The following FGF12 variants were observed in gnomAD, a reference collection of about 807,000 sequenced individuals.
FGF12 encodes the protein fibroblast growth factor 12.
Under a neutral mutation model 23.6 loss-of-function variants are expected in FGF12, and 14 were observed. That is an observed-to-expected ratio of 0.59 (90% confidence interval 0.39 to 0.93). The LOEUF (loss-of-function observed/expected upper bound fraction) is 0.93, where lower values mean the gene tolerates loss of function less well. FGF12 is among the 40% of genes least tolerant of loss of function. The pLI is 0.00. For synonymous variants in FGF12, 62 were observed against 77.3 expected, an observed-to-expected ratio of 0.80 and a Z score of 1.04; for missense variants, 175 against 217.8, an observed-to-expected ratio of 0.80 and a Z score of 1.24.
intron 2 of FGF12, among the ~76,000 whole-genome samples, chr3:192,664,689 T>G (rs990582362): frequency 2.6e-5 from 4 of 151,374 alleles, no homozygotes; most frequent in Non-Finnish European, 4.4e-5. Flanking sequence ...TGCTTGAACC[T>G]GGGAGGCGGA....
chr3:192,252,074 A>C (rs1283968050), intron 4 of FGF12, among the ~76,000 whole-genome samples: 1 of 152,136 alleles, frequency 6.6e-6, no homozygotes, highest in African/African-American at 2.4e-5. Context: ...TTTGTGTGTA[A>C]GTCTTTTTAA....
At position 192,434,150 on chromosome 3, in the gene FGF12, T is replaced by C. The variant is rs201865299; in HGVS notation, c.14-73612A>G. Among the ~76,000 whole-genome samples, 3 of 152,216 alleles carry C rather than the reference T, an allele frequency of 2.0e-5. No individual in the cohort carries two copies. The East Asian group carries it at 5.8e-4, about 29-fold the overall frequency. ...ATTGTGGAAAAAAAATTCTCACTTT[T>C]GCAAATAAAAAAACCCAGAAAACAA... On this transcript the variant is annotated intron_variant, in intron 2 of 5. Coordinates refer to ENST00000445105, the MANE Select transcript of FGF12 (RefSeq NM_004113.6).
chr3:192,656,280 G>GACACAC (rs61645270), intron 2 of FGF12, among the ~76,000 whole-genome samples: 193 of 110,502 alleles, frequency 1.7e-3, no homozygotes, highest in Non-Finnish European at 3.3e-3. Flanking sequence ...AAGGTGAAAA[G>GACACAC]ACACACACAC....
intron 4 of FGF12, chr3:192,238,813 C>A (rs1280219130): frequency 6.6e-6 from 1 of 152,154 alleles, no homozygotes; most frequent in Non-Finnish European, 1.5e-5. Context: ...ACATGTAATC[C>A]TCCTGGAGCA....
At chr3:192,484,816 G>C (rs979411389) in intron 2 of FGF12, among the ~76,000 whole-genome samples, 1 of 152,148 alleles carries the variant, frequency 6.6e-6, no homozygotes, top group Non-Finnish European at 1.5e-5. Context: ...GGTGCTCCCG[G>C]AACTGTGCAA....
At chr3:192,257,354 C>T (rs1021536005) in intron 4 of FGF12, among the ~76,000 whole-genome samples, 2 of 152,128 alleles carry the variant, frequency 1.3e-5, no homozygotes, top group African/African-American at 4.8e-5. Context: ...AAAATATAGC[C>T]TGTCCATCAC....
chr3:192,259,495 C>G (rs1712607101), intron 4 of FGF12, among the ~76,000 whole-genome samples: 1 of 152,024 alleles, frequency 6.6e-6, no homozygotes, highest in East Asian at 1.9e-4. Context: ...TAGATTGGAA[C>G]AAGGAAAGTC....
chr3:192,170,472 G>C lies in FGF12; in HGVS notation c.413C>G (p.Pro138Arg). 1 of 1,613,780 alleles carries C rather than the reference G, an allele frequency of 6.2e-7. No homozygotes were observed. ...TGGTTTCATACCTTCAATAGGTTTC[G>C]GTACAAAATGTGATGAGGGCTTGGT... ...KKTKPSSHFV[P>R]KPIEVCMYRE... is the part of the protein sequence containing the mutation. Residue 138 changes from proline (P) to arginine (R), a missense_variant, in exon 5 of 6, where the codon CCG becomes CGG. Coordinates refer to ENST00000445105, the MANE Select transcript of FGF12 (RefSeq NM_004113.6).
intron 2 of FGF12, among the ~76,000 whole-genome samples, chr3:192,383,293 T>C (rs945470659): frequency 6.6e-6 from 1 of 152,204 alleles, no homozygotes; most frequent in African/African-American, 2.4e-5. Context: ...TGAGATATTA[T>C]GGAGCCAATG....
At chr3:192,448,087 G>A (rs1722412218) in intron 2 of FGF12, among the ~76,000 whole-genome samples, 1 of 152,020 alleles carries the variant, frequency 6.6e-6, no homozygotes, top group Non-Finnish European at 1.5e-5. Flanking sequence ...ATATATATGT[G>A]TGTATACACA....
intron 2 of FGF12, among the ~76,000 whole-genome samples, chr3:192,711,497 G>C (rs981947101): frequency 1.3e-5 from 2 of 151,992 alleles, no homozygotes; most frequent in African/African-American, 4.8e-5. Context: ...CGGTTTTGTC[G>C]AATAGAAAAG....
intron 2 of FGF12, among the ~76,000 whole-genome samples, chr3:192,610,798 T>C (rs915722238): frequency 3.9e-5 from 6 of 152,018 alleles, no homozygotes; most frequent in African/African-American, 1.4e-4. Context: ...ACCAGGTGTG[T>C]GGTCATGTCT....
chr3:192,447,498 G>A (rs894749107), intron 2 of FGF12, among the ~76,000 whole-genome samples: 1 of 152,154 alleles, frequency 6.6e-6, no homozygotes, highest in Non-Finnish European at 1.5e-5. Context: ...ACCCATTTCT[G>A]TAGTACTGCT....
At chr3:192,304,409 G>T (rs1317231620) in intron 4 of FGF12, among the ~76,000 whole-genome samples, 1 of 152,070 alleles carries the variant, frequency 6.6e-6, no homozygotes, top group Non-Finnish European at 1.5e-5. Context: ...ATAGTCCATG[G>T]TTTATTTGAT....
chr3:192,585,791 G>C (rs1713350395), intron 2 of FGF12, among the ~76,000 whole-genome samples: 1 of 152,070 alleles, frequency 6.6e-6, no homozygotes, highest in South Asian at 2.1e-4. Context: ...GGGGATAACT[G>C]TATTTATAGC....
At chr3:192,685,151 C>T (rs1291498420) in intron 2 of FGF12, among the ~76,000 whole-genome samples, 4 of 152,008 alleles carry the variant, frequency 2.6e-5, no homozygotes, top group East Asian at 1.9e-4. Flanking sequence ...TCCCAGTTCA[C>T]GCCATTCTCC....
intron 2 of FGF12, among the ~76,000 whole-genome samples, chr3:192,670,018 G>A (rs1717051686): frequency 6.6e-6 from 1 of 152,120 alleles, no homozygotes; most frequent in African/African-American, 2.4e-5. Context: ...TTTTGATGTA[G>A]TGTTAAGAAA....
chr3:192,186,860 C>T (rs562979571), intron 4 of FGF12, among the ~76,000 whole-genome samples: 5 of 152,092 alleles, frequency 3.3e-5, no homozygotes, highest in Non-Finnish European at 5.9e-5. Flanking sequence ...TTTTGGTTCC[C>T]CCTGAAATGT....
chr3:192,359,818 T>C (rs1718638849), intron 3 of FGF12, among the ~76,000 whole-genome samples: 1 of 151,580 alleles, frequency 6.6e-6, no homozygotes. Flanking sequence ...TTAAATTCCA[T>C]TTCAGGTCTA....
Sources: gnomAD v4.1 joint callset for allele counts (sites outside exome capture counted in the v4.1 genomes callset) on GRCh38, gnomAD v4.1.1 for gene constraint, MANE v1.5 for transcripts, NCBI Gene and HGNC (gene_info 2026-07-23, HGNC 2026-07-21) for gene names.